Variants in GPATCH2 observed in about 807,000 individuals in gnomAD.
GPATCH2 encodes the protein G-patch domain containing 2.
GPATCH2 carries 51 observed loss-of-function variants against 58.0 expected under a neutral mutation model. The observed-to-expected ratio is 0.88, with a 90% CI of 0.70 to 1.11. GPATCH2 has a LOEUF of 1.11. Among genes scored for constraint, GPATCH2 ranks in the 50% most tolerant of loss-of-function variants. The pLI is 0.00. For synonymous variants in GPATCH2, 222 were observed against 218.5 expected (o/e 1.02, Z -0.14); for missense variants, 625 against 652.2 (o/e 0.96, Z 0.45).
chr1:217,429,024 T>C lies in GPATCH2; in HGVS notation c.*2121A>G, dbSNP rs1040602802. 2.0e-5 allele frequency: 3 copies of C among 152,302 alleles called. No homozygotes were observed. In the East Asian group the frequency reaches 5.8e-4, roughly 29 times the overall value. The allele number at this position is 152,302 out of a possible 1,614,324, so 9.4% of individuals were successfully genotyped here. ...TGGAACCAGGCTAACAATGACCTCA[T>C]TGTTTGCTCTCAGTGGCTTCAAACT... On this transcript the variant is annotated 3_prime_UTR_variant, in exon 10 of 10. Transcript: ENST00000366935.
At chr1:217,536,033 C>A (rs142360625) in intron 5 of GPATCH2, among the ~76,000 whole-genome samples, 2 of 152,266 alleles carry the variant, frequency 1.3e-5, no homozygotes, top group East Asian at 1.9e-4. Context: ...AAATTAGCAT[C>A]TTTTCCTAAA....
intron 5 of GPATCH2, among the ~76,000 whole-genome samples, chr1:217,589,787 C>G (rs1194154273): frequency 1.3e-5 from 2 of 152,170 alleles, no homozygotes; most frequent in African/African-American, 4.8e-5. Flanking sequence ...ATGAAATAGG[C>G]ACTAGACTCA....
chr1:217,562,212 A>T (rs1423285917), intron 5 of GPATCH2, among the ~76,000 whole-genome samples: 5 of 152,166 alleles, frequency 3.3e-5, no homozygotes, highest in Non-Finnish European at 7.3e-5. Context: ...TTTTTAAAAC[A>T]CAGCATTGGG....
chr1:217,431,982 A>G (rs981600865), intron 9 of GPATCH2, among the ~76,000 whole-genome samples: 2 of 151,970 alleles, frequency 1.3e-5, no homozygotes, highest in African/African-American at 4.8e-5. Context: ...TTTTCCTTCC[A>G]TGGCCATGTT....
At chr1:217,510,725 G>A (rs1262804850) in intron 6 of GPATCH2, among the ~76,000 whole-genome samples, 1 of 152,040 alleles carries the variant, frequency 6.6e-6, no homozygotes, top group Non-Finnish European at 1.5e-5. Flanking sequence ...AACACTTTCG[G>A]AGTTTTGTGC....
intron 7 of GPATCH2, among the ~76,000 whole-genome samples, chr1:217,493,043 C>T (rs1158464769): frequency 6.6e-6 from 1 of 152,152 alleles, no homozygotes; most frequent in Non-Finnish European, 1.5e-5. Context: ...AACGTCTGAA[C>T]TAAATAAGTA....
At chr1:217,571,950 G>A (rs1003424135) in intron 5 of GPATCH2, among the ~76,000 whole-genome samples, 1 of 137,350 alleles carries the variant, frequency 7.3e-6, no homozygotes, top group East Asian at 2.3e-4. Flanking sequence ...AAAGAAAAGG[G>A]AGGAAGGAAG....
chr1:217,621,621 A>C (rs1669191351), intron 1 of GPATCH2, among the ~76,000 whole-genome samples: 1 of 152,208 alleles, frequency 6.6e-6, no homozygotes, highest in Admixed American at 6.5e-5. Flanking sequence ...TGTTCTAATA[A>C]AGTTTTATTT....
At chr1:217,550,877 T>G (rs1025682725) in intron 5 of GPATCH2, among the ~76,000 whole-genome samples, 8 of 150,742 alleles carry the variant, frequency 5.3e-5, no homozygotes, top group African/African-American at 1.9e-4. Context: ...TTTAAATACA[T>G]GTAGGGAAGC....
intron 2 of GPATCH2, among the ~76,000 whole-genome samples, chr1:217,616,977 C>A (rs1191718263): frequency 5.9e-5 from 9 of 151,860 alleles, no homozygotes; most frequent in Admixed American, 2.6e-4. Flanking sequence ...GCTATCATAT[C>A]GTAATTCACT....
intron 6 of GPATCH2, among the ~76,000 whole-genome samples, chr1:217,513,014 G>T (rs922492283): frequency 1.3e-5 from 2 of 152,198 alleles, no homozygotes; most frequent in Admixed American, 1.3e-4. Flanking sequence ...CTTAGGCCAG[G>T]CGCGGTGGCT....
At chr1:217,485,919 C>T (rs1315831102) in intron 8 of GPATCH2, among the ~76,000 whole-genome samples, 1 of 152,208 alleles carries the variant, frequency 6.6e-6, no homozygotes, top group Non-Finnish European at 1.5e-5. Flanking sequence ...CTGTACCAGA[C>T]TGTCTTAATT....
At chr1:217,441,186 C>T (rs1392695765) in intron 9 of GPATCH2, among the ~76,000 whole-genome samples, 1 of 152,112 alleles carries the variant, frequency 6.6e-6, no homozygotes, top group Non-Finnish European at 1.5e-5. Flanking sequence ...GAACAGAGGC[C>T]TCAGAAATAA....
At chr1:217,480,920 T>A (rs1336098875) in intron 8 of GPATCH2, among the ~76,000 whole-genome samples, 1 of 152,120 alleles carries the variant, frequency 6.6e-6, no homozygotes, top group Non-Finnish European at 1.5e-5. Context: ...TGAGATATTA[T>A]CATGTTCTCA....
Position 217,611,073 on chromosome 1 carries a change from T to C in GPATCH2, c.836-2A>G. 1.9e-6 allele frequency: 3 copies of C among 1,609,196 alleles called. No individual in the cohort carries two copies. Among genetic ancestry groups the C allele is most frequent in the Non-Finnish European group, 2.5e-6 (3 of 1,177,848 alleles). On this transcript the variant is annotated splice_acceptor_variant, in intron 3 of 9. Transcript: ENST00000366935. LOFTEE classifies it high-confidence loss of function. The stretch of plus-strand genomic sequence containing the variant: ...ACCAGTCACTCTGTTCATCATCACC[T>C]GTGCAAATACAAGAAACCCCCCCCC...
At chr1:217,559,908 C>G (rs944962405) in intron 5 of GPATCH2, among the ~76,000 whole-genome samples, 4 of 151,170 alleles carry the variant, frequency 2.6e-5, no homozygotes, top group African/African-American at 9.7e-5. Context: ...GAGGTCTATA[C>G]CCCTCACTCT....
At chr1:217,597,422 T>A (rs1032344368) in intron 5 of GPATCH2, among the ~76,000 whole-genome samples, 1 of 151,090 alleles carries the variant, frequency 6.6e-6, no homozygotes, top group East Asian at 1.9e-4. Flanking sequence ...TTCTTCTATA[T>A]GCAACAGGGT....
chr1:217,563,776 G>C (rs1294181739), intron 5 of GPATCH2, among the ~76,000 whole-genome samples: 1 of 152,166 alleles, frequency 6.6e-6, no homozygotes, highest in East Asian at 1.9e-4. Context: ...CGGGCGCAGT[G>C]GCTCACGCCT....
chr1:217,595,983 C>T (rs564168488), intron 5 of GPATCH2, among the ~76,000 whole-genome samples: 11 of 151,920 alleles, frequency 7.2e-5, no homozygotes, highest in African/African-American at 2.7e-4. Flanking sequence ...TTTTAATAAA[C>T]TTGAGAAAGA....
Sources: gnomAD v4.1 joint callset for allele counts (sites outside exome capture counted in the v4.1 genomes callset) on GRCh38, gnomAD v4.1.1 for gene constraint, MANE v1.5 for transcripts, NCBI Gene and HGNC (gene_info 2026-07-23, HGNC 2026-07-21) for gene names.